DNAJC24: variants seen among roughly 807,000 people sequenced by gnomAD.
DNAJC24 encodes the protein DnaJ heat shock protein family (Hsp40) member C24, also known as dnaJ homolog subfamily C member 24.
A neutral mutation model predicts 18.0 loss-of-function variants in DNAJC24; 17 were observed. That is an observed-to-expected ratio of 0.94 (90% CI 0.65 to 1.42). DNAJC24 has a LOEUF of 1.42. DNAJC24 is among the 40% of genes most tolerant of loss of function. The pLI is 0.00. For synonymous variants in DNAJC24, 55 were observed against 57.7 expected (o/e 0.95, Z 0.21); for missense variants, 158 against 175.6 (o/e 0.90, Z 0.57).
At chr11:31,424,544 A>T (rs1449713135) in intron 3 of DNAJC24, among the ~76,000 whole-genome samples, 2 of 152,158 alleles carry the variant, frequency 1.3e-5, no homozygotes, top group Non-Finnish European at 2.9e-5. Flanking sequence ...TTTACATAGA[A>T]TGTGGAAATT....
At chr11:31,370,299 C>A (rs1019696269) in intron 1 of DNAJC24, among the ~76,000 whole-genome samples, 1 of 151,978 alleles carries the variant, frequency 6.6e-6, no homozygotes, top group African/African-American at 2.4e-5. Context: ...TATTTTAATT[C>A]TTTGATGTTC....
intron 3 of DNAJC24, among the ~76,000 whole-genome samples, chr11:31,424,986 TTC>T (rs747338369): frequency 1.9e-4 from 29 of 152,046 alleles, no homozygotes; most frequent in Non-Finnish European, 3.1e-4. Flanking sequence ...TTCTTTTTTC[TTC>T]TTTTTTTTAT....
chr11:31,407,984 A>G (rs551878296), intron 2 of DNAJC24: 10 of 404,432 alleles, frequency 2.5e-5, no homozygotes, highest in South Asian at 5.6e-5. Flanking sequence ...CATCTGTGAC[A>G]TAAGATGGTA....
intron 3 of DNAJC24, among the ~76,000 whole-genome samples, chr11:31,423,959 A>G (rs1952835987): frequency 6.6e-6 from 1 of 152,200 alleles, no homozygotes; most frequent in African/African-American, 2.4e-5. Context: ...GGGATGAAGA[A>G]AAGATAGTAA....
chr11:31,398,045 C>T (rs1263796617), intron 2 of DNAJC24, among the ~76,000 whole-genome samples: 1 of 152,174 alleles, frequency 6.6e-6, no homozygotes, highest in Non-Finnish European at 1.5e-5. Flanking sequence ...TCATGATCCT[C>T]CTGCCTCGGC....
intron 2 of DNAJC24, among the ~76,000 whole-genome samples, chr11:31,376,787 GCA>G (rs1300407862): frequency 6.6e-6 from 1 of 151,960 alleles, no homozygotes; most frequent in Non-Finnish European, 1.5e-5. Context: ...CCTCATTTAT[GCA>G]CAGTTAATTA....
intron 2 of DNAJC24, among the ~76,000 whole-genome samples, chr11:31,412,992 T>C (rs1952722464): frequency 6.6e-6 from 1 of 152,224 alleles, no homozygotes; most frequent in African/African-American, 2.4e-5. Flanking sequence ...TTTCGCTTCA[T>C]GGTATTTGAC....
intron 2 of DNAJC24, among the ~76,000 whole-genome samples, chr11:31,387,464 C>T (rs1952440830): frequency 1.3e-5 from 2 of 152,114 alleles, no homozygotes; most frequent in African/African-American, 4.8e-5. Flanking sequence ...GCTAGTAATC[C>T]AGGGAATTCT....
intron 2 of DNAJC24, chr11:31,396,151 G>T: frequency 5.8e-6 from 2 of 344,084 alleles, no homozygotes; most frequent in Admixed American, 3.5e-5. Context: ...TTTGCCAAAT[G>T]TAGTGGATTT....
intron 2 of DNAJC24, among the ~76,000 whole-genome samples, chr11:31,403,374 G>A (rs1156958091): frequency 6.6e-6 from 1 of 152,096 alleles, no homozygotes; most frequent in Non-Finnish European, 1.5e-5. Context: ...TATATATAAG[G>A]GTTTTTAAAG....
At chr11:31,375,343 C>A (rs1952303076) in intron 2 of DNAJC24, among the ~76,000 whole-genome samples, 1 of 135,428 alleles carries the variant, frequency 7.4e-6, no homozygotes, top group Non-Finnish European at 1.7e-5. Flanking sequence ...AATCGTGCCT[C>A]CCCAGCTCCC....
intron 2 of DNAJC24, among the ~76,000 whole-genome samples, chr11:31,398,287 CTCA>C (rs1442397196): frequency 6.6e-6 from 1 of 151,502 alleles, no homozygotes; most frequent in African/African-American, 2.4e-5. Context: ...TTGACTTTCT[CTCA>C]TCATTAGGTA....
intron 2 of DNAJC24, 90 bp from the exon 3 acceptor site, chr11:31,414,721 T>A (rs1252545232): frequency 5.1e-6 from 7 of 1,381,484 alleles, no homozygotes; most frequent in Non-Finnish European, 6.9e-6. Flanking sequence ...CATTACCTTC[T>A]TAACTAAAGC....
At chr11:31,409,800 A>G (rs934412457) in intron 2 of DNAJC24, among the ~76,000 whole-genome samples, 12 of 152,220 alleles carry the variant, frequency 7.9e-5, no homozygotes, top group African/African-American at 2.9e-4. Flanking sequence ...AGCAATTGCC[A>G]AATTGTTTCC....
chr11:31,426,146 C>A, intron 3 of DNAJC24, 141 bp from the exon 4 acceptor site: 1 of 550,120 alleles, frequency 1.8e-6, no homozygotes, highest in South Asian at 2.7e-5. Flanking sequence ...ACACTGCTGT[C>A]AAAAATACTA....
chr11:31,402,570 G>A (rs1225155221), intron 2 of DNAJC24, among the ~76,000 whole-genome samples: 1 of 152,186 alleles, frequency 6.6e-6, no homozygotes, highest in Admixed American at 6.5e-5. Context: ...GGGCAGTGGT[G>A]TGATCATAAC....
chr11:31,417,213 A>G (rs1378612566), intron 3 of DNAJC24: 8 of 152,140 alleles, frequency 5.3e-5, no homozygotes, highest in South Asian at 2.1e-4. Context: ...CTTTGTTTCA[A>G]TTTTAAATGG....
chr11:31,381,820 G>T (rs886862847), intron 2 of DNAJC24, among the ~76,000 whole-genome samples: 4 of 151,898 alleles, frequency 2.6e-5, no homozygotes, highest in African/African-American at 4.8e-5. Flanking sequence ...CAGATGATCC[G>T]CCTGCCTCTG....
At chr11:31,425,308 G>A (rs1952851015) in intron 3 of DNAJC24, among the ~76,000 whole-genome samples, 1 of 152,140 alleles carries the variant, frequency 6.6e-6, no homozygotes, top group African/African-American at 2.4e-5. Context: ...AATGTAAAAT[G>A]ATTAATAGGC....
Sources: allele counts gnomAD v4.1 joint callset (sites outside exome capture counted in the v4.1 genomes callset), GRCh38; gene constraint gnomAD v4.1.1; transcripts MANE v1.5; gene names NCBI Gene and HGNC (gene_info 2026-07-23, HGNC 2026-07-21).